NCOA1: variants seen among roughly 807,000 people sequenced by gnomAD.
NCOA1 encodes Hin-2 protein.
Under a neutral mutation model 150.9 loss-of-function variants are expected in NCOA1, and 35 were observed. The observed-to-expected ratio is 0.23, with a 90% CI of 0.18 to 0.31. The LOEUF is 0.31. Among genes scored for constraint, NCOA1 ranks in the 10% least tolerant of loss-of-function variants. The pLI is 1.00. For missense variants in NCOA1, 1,491 were observed against 1,749.3 expected (o/e 0.85, Z 2.63); for synonymous variants, 590 against 630.0 (o/e 0.94, Z 0.95).
chr2:24,760,273 G>T (rs1473734073), intron 21 of NCOA1, among the ~76,000 whole-genome samples: 2 of 147,346 alleles, frequency 1.4e-5, no homozygotes, highest in East Asian at 3.9e-4. Context: ...CCAAGTAGCT[G>T]GGACTACAGG....
chr2:24,723,460 T>C lies in NCOA1; in HGVS notation c.2600-3129T>C, dbSNP rs560601336. On this transcript the variant is annotated intron_variant, in intron 14 of 22. Transcript: ENST00000348332. ...TCTGAGATACAAGTTCTGAATAGAA[T>C]TGCTGGGTCAAAAGATAGATATTGC... Among the ~76,000 whole-genome samples, 97 of 152,332 alleles carry C rather than the reference T, an allele frequency of 6.4e-4. 2 individuals carry two copies. The South Asian group carries it at 0.018, about 28-fold the overall frequency.
At chr2:24,750,344 A>T (rs1038137209) in intron 19 of NCOA1, among the ~76,000 whole-genome samples, 7 of 152,238 alleles carry the variant, frequency 4.6e-5, no homozygotes, top group African/African-American at 1.7e-4. Context: ...AATTTCAAAA[A>T]TTACCATAAA....
intron 1 of NCOA1, among the ~76,000 whole-genome samples, chr2:24,553,806 T>C (rs565120001): frequency 5.3e-5 from 8 of 152,352 alleles, no homozygotes; most frequent in African/African-American, 1.9e-4. Flanking sequence ...ATAAAATGAA[T>C]TGAGAAACGT....
At chr2:24,619,212 T>C (rs1669008562) in intron 3 of NCOA1, among the ~76,000 whole-genome samples, 1 of 152,242 alleles carries the variant, frequency 6.6e-6, no homozygotes. Context: ...CTTTTATGAA[T>C]GTAACCTTTA....
intron 4 of NCOA1, among the ~76,000 whole-genome samples, chr2:24,658,322 T>C (rs1671033798): frequency 1.3e-5 from 2 of 152,214 alleles, no homozygotes; most frequent in Non-Finnish European, 1.5e-5. Context: ...AACATTCGGC[T>C]TCTACATTTA....
At chr2:24,691,285 T>C (rs975597409) in intron 8 of NCOA1, among the ~76,000 whole-genome samples, 196 bp from the exon 9 acceptor site, 6 of 152,266 alleles carry the variant, frequency 3.9e-5, no homozygotes, top group African/African-American at 1.4e-4. Context: ...TACAGTTTTC[T>C]AATTGGTAGA....
At chr2:24,516,934 A>ATATATATACGTATATATATGTG (rs1558758346) in intron 1 of NCOA1, among the ~76,000 whole-genome samples, 119 of 49,418 alleles carry the variant, frequency 2.4e-3, no homozygotes, top group African/African-American at 4.9e-3. Flanking sequence ...GCGCGTGTGT[A>ATATATATACGTATATATATGTG]TATATATACG....
intron 1 of NCOA1, among the ~76,000 whole-genome samples, chr2:24,513,109 A>C (rs564214115): frequency 6.6e-6 from 1 of 152,330 alleles, no homozygotes; most frequent in African/African-American, 2.4e-5. Flanking sequence ...TGATATCCTG[A>C]ATTGATAGGA....
At chr2:24,722,733 A>G (rs1281182153) in intron 14 of NCOA1, among the ~76,000 whole-genome samples, 1 of 152,146 alleles carries the variant, frequency 6.6e-6, no homozygotes, top group Non-Finnish European at 1.5e-5. Flanking sequence ...TTGTATAACT[A>G]TAAAAATCAC....
chr2:24,768,206 T>C lies in NCOA1; in HGVS notation c.4156-15T>C. 9 of 1,611,544 alleles carry C rather than the reference T, an allele frequency of 5.6e-6. No individual in the cohort carries two copies. The highest frequency in any genetic ancestry group is 7.6e-6 in the Non-Finnish European group (9 of 1,177,954). On this transcript the variant is annotated splice_polypyrimidine_tract_variant and intron_variant, in intron 22 of 22. Transcript: ENST00000348332. ...AGACCCTTCTGTCTAAACACATCTTTTATTTGTGTTCCAGCAGGTGCAACA... is the reference window on the plus strand; with the variant it reads ...AGACCCTTCTGTCTAAACACATCTTCTATTTGTGTTCCAGCAGGTGCAACA...
At chr2:24,649,014 C>G (rs1024847132) in intron 4 of NCOA1, among the ~76,000 whole-genome samples, 1 of 152,014 alleles carries the variant, frequency 6.6e-6, no homozygotes, top group Non-Finnish European at 1.5e-5. Context: ...AGCTGTTTTT[C>G]TGCCCACTAT....
intron 14 of NCOA1, among the ~76,000 whole-genome samples, chr2:24,724,293 A>G (rs1482477986): frequency 6.6e-6 from 1 of 152,164 alleles, no homozygotes; most frequent in East Asian, 1.9e-4. Context: ...TATTACATGT[A>G]TACTTACTCA....
At chr2:24,728,280 G>A in intron 15 of NCOA1, 28 bp from the exon 16 acceptor site, 1 of 1,580,918 alleles carries the variant, frequency 6.3e-7, no homozygotes. Context: ...ATGTCAGTCT[G>A]AAACTTTCTT....
chr2:24,769,780 C>T lies in NCOA1; in HGVS notation c.*1389C>T. The T allele has an allele frequency of 4.5e-6, 1 of 222,612 alleles. No individual in the cohort carries two copies. The allele number at this position is 222,612 out of a possible 1,614,324, so 13.8% of individuals were successfully genotyped here. ...AACTGACTTTCTAGTTCTAGAAGTT[C>T]CGCTGCAAGGCCAGGAAAGCTTGAG... On this transcript the variant is annotated 3_prime_UTR_variant, in exon 23 of 23. Transcript: ENST00000348332.
chr2:24,710,964 C>T lies in NCOA1; in HGVS notation c.2452C>T (p.Leu818=). 1 of 1,614,098 alleles carries T rather than the reference C, an allele frequency of 6.2e-7. No individual in the cohort carries two copies. Residue 818 remains leucine (L), a synonymous_variant, in exon 14 of 23, where the codon CTG becomes TTG. Transcript: ENST00000348332. ...TADLDQFDQL[L]PTLEKAAQLP... is the part of the protein sequence containing the mutation. Reference sequence around the variant, plus strand: ...TGACCTTGACCAGTTTGATCAGTTACTGCCCACGCTGGAGAAGGCAGCACA... The same window carrying T: ...TGACCTTGACCAGTTTGATCAGTTATTGCCCACGCTGGAGAAGGCAGCACA...
intron 20 of NCOA1, among the ~76,000 whole-genome samples, chr2:24,754,423 C>T (rs1664404247): frequency 6.6e-6 from 1 of 152,184 alleles, no homozygotes; most frequent in Non-Finnish European, 1.5e-5. Context: ...TCCTTTTATC[C>T]TTCTGCTCCT....
At chr2:24,608,424 G>A (rs1042768746) in intron 3 of NCOA1, among the ~76,000 whole-genome samples, 3 of 151,230 alleles carry the variant, frequency 2.0e-5, no homozygotes, top group African/African-American at 7.3e-5. Flanking sequence ...GGGACTACAA[G>A]CACGTGCTAA....
At chr2:24,640,459 C>G (rs112866517) in intron 3 of NCOA1, among the ~76,000 whole-genome samples, 3 of 152,188 alleles carry the variant, frequency 2.0e-5, no homozygotes, top group East Asian at 3.9e-4. Flanking sequence ...TTCTATTTCT[C>G]TTTTAAGTTC....
chr2:24,745,945 C>G (rs1382061037), intron 19 of NCOA1, among the ~76,000 whole-genome samples: 1 of 152,214 alleles, frequency 6.6e-6, no homozygotes, highest in African/African-American at 2.4e-5. Flanking sequence ...CTTCCCTCCT[C>G]TCAGATATAT....
Sources: gnomAD v4.1 joint callset for allele counts (sites outside exome capture counted in the v4.1 genomes callset) on GRCh38, gnomAD v4.1.1 for gene constraint, MANE v1.5 for transcripts, NCBI Gene and HGNC (gene_info 2026-07-23, HGNC 2026-07-21) for gene names.